OSBP2: variants seen among roughly 807,000 people sequenced by gnomAD.
The protein encoded by OSBP2 is oxysterol binding protein 2, also known as oxysterol-binding protein 2.
In OSBP2, 66 loss-of-function variants were observed where a neutral mutation model predicts 96.0. The observed-to-expected ratio is 0.69, with a 90% confidence interval of 0.56 to 0.84. OSBP2 has a LOEUF of 0.84. Ranked by LOEUF, OSBP2 falls within the 40% of genes least tolerant of loss-of-function variation. The probability of loss-of-function intolerance (pLI) is 0.00; values close to 1 mark genes in which losing one functional copy is unlikely to be tolerated. For synonymous variants in OSBP2, 525 were observed against 520.9 expected (o/e 1.01, Z -0.11); for missense variants, 1,038 against 1,222.7 (o/e 0.85, Z 2.25).
chr22:30,818,868 C>A (rs1396697259), intron 2 of OSBP2, among the ~76,000 whole-genome samples: 2 of 152,198 alleles, frequency 1.3e-5, no homozygotes, highest in African/African-American at 2.4e-5. Context: ...GTGAACAGAG[C>A]AACCAGTTTG....
chr22:30,811,706 C>G (rs136246), intron 2 of OSBP2, among the ~76,000 whole-genome samples: 56,361 of 151,520 alleles, frequency 0.37, 10,726 homozygotes, highest in Non-Finnish European at 0.43. Context: ...AGGCGCCCAC[C>G]ACCACACCCG....
At chr22:30,818,785 G>A (rs1191696134) in intron 2 of OSBP2, among the ~76,000 whole-genome samples, 1 of 152,196 alleles carries the variant, frequency 6.6e-6, no homozygotes, top group Non-Finnish European at 1.5e-5. Context: ...GCTGTTGCAG[G>A]AGCAGCAGCC....
chr22:30,724,700 C>T (rs73400370), intron 1 of OSBP2, among the ~76,000 whole-genome samples: 7,506 of 152,256 alleles, frequency 0.049, 631 homozygotes, highest in African/African-American at 0.17. Flanking sequence ...TTTGTGTGGA[C>T]CTAACACATC....
chr22:30,715,553 A>ATT (rs36019275), intron 1 of OSBP2, among the ~76,000 whole-genome samples: 59 of 143,010 alleles, frequency 4.1e-4, no homozygotes, highest in East Asian at 3.7e-3. Context: ...TAATTTTTAG[A>ATT]TTTTTTTTTT....
At chr22:30,875,382 TTTTC>T (rs1480217176) in intron 3 of OSBP2, among the ~76,000 whole-genome samples, 1 of 151,718 alleles carries the variant, frequency 6.6e-6, no homozygotes, top group African/African-American at 2.4e-5. Context: ...TGTTTTTTTT[TTTTC>T]TTTGAGATGG....
chr22:30,704,539 C>T (rs2089217799), intron 1 of OSBP2, among the ~76,000 whole-genome samples: 1 of 146,628 alleles, frequency 6.8e-6, no homozygotes, highest in Non-Finnish European at 1.5e-5. Flanking sequence ...TTTTTTGAGA[C>T]AGAGTCTTGC....
intron 2 of OSBP2, among the ~76,000 whole-genome samples, chr22:30,844,058 A>G (rs1296142057): frequency 1.3e-5 from 2 of 151,902 alleles, no homozygotes; most frequent in African/African-American, 4.8e-5. Context: ...TATTTTTTGT[A>G]GACACAGAGT....
chr22:30,904,597 T>A (rs553362558), intron 12 of OSBP2, among the ~76,000 whole-genome samples: 239 of 150,858 alleles, frequency 1.6e-3, no homozygotes, highest in African/African-American at 5.2e-3. Flanking sequence ...ATAATTAAAA[T>A]ATATATATAT....
intron 1 of OSBP2, among the ~76,000 whole-genome samples, chr22:30,724,391 T>G (rs2089607026): frequency 6.6e-6 from 1 of 152,104 alleles, no homozygotes; most frequent in Admixed American, 6.6e-5. Flanking sequence ...CTAGTTTATT[T>G]TATATTTTTA....
chr22:30,727,682 G>GT (rs1322284095), intron 1 of OSBP2, among the ~76,000 whole-genome samples: 1 of 152,078 alleles, frequency 6.6e-6, no homozygotes, highest in Non-Finnish European at 1.5e-5. Context: ...TCTCATTCCT[G>GT]TTTTTTTAAA....
intron 1 of OSBP2, among the ~76,000 whole-genome samples, chr22:30,703,978 G>A (rs2145673179): frequency 6.6e-6 from 1 of 152,274 alleles, no homozygotes; most frequent in Non-Finnish European, 1.5e-5. Context: ...TGCTGATCTT[G>A]CCATCCTGTT....
At chr22:30,737,841 T>G (rs1019891472) in intron 1 of OSBP2, among the ~76,000 whole-genome samples, 2 of 151,984 alleles carry the variant, frequency 1.3e-5, no homozygotes, top group Admixed American at 6.6e-5. Flanking sequence ...GCCTCCTGAG[T>G]AGCTGGGACT....
At chr22:30,874,067 T>C (rs1040583572) in intron 3 of OSBP2, among the ~76,000 whole-genome samples, 1 of 152,158 alleles carries the variant, frequency 6.6e-6, no homozygotes, top group African/African-American at 2.4e-5. Flanking sequence ...TGAAACCCTG[T>C]CTCTACTAAA....
intron 2 of OSBP2, among the ~76,000 whole-genome samples, chr22:30,842,415 G>T (rs1337692244): frequency 6.6e-6 from 1 of 152,100 alleles, no homozygotes; most frequent in African/African-American, 2.4e-5. Context: ...TGACTGATCA[G>T]CGTGGTGATT....
intron 1 of OSBP2, among the ~76,000 whole-genome samples, chr22:30,720,095 T>C (rs1167383381): frequency 6.6e-6 from 1 of 152,238 alleles, no homozygotes; most frequent in Admixed American, 6.5e-5. Flanking sequence ...GGGATATTTC[T>C]CTGTCCCACA....
At chr22:30,835,973 C>G (rs766781094) in intron 2 of OSBP2, among the ~76,000 whole-genome samples, 1 of 152,104 alleles carries the variant, frequency 6.6e-6, no homozygotes, top group South Asian at 2.1e-4. Flanking sequence ...CCTGCCTTGG[C>G]CTTCCAAATG....
chr22:30,781,282 G>A (rs542463235), intron 2 of OSBP2, among the ~76,000 whole-genome samples: 4 of 151,844 alleles, frequency 2.6e-5, no homozygotes, highest in Admixed American at 6.6e-5. Context: ...ACACCCGGCC[G>A]ATGTTTTTGT....
At chr22:30,810,740 C>T (rs866470842) in intron 2 of OSBP2, among the ~76,000 whole-genome samples, 8 of 152,320 alleles carry the variant, frequency 5.3e-5, no homozygotes, top group Non-Finnish European at 7.3e-5. Context: ...ACGGGTGCGC[C>T]AAATGATCCA....
At position 30,893,506 on chromosome 22, in the gene OSBP2, G is replaced by A; in HGVS notation, c.2034G>A (p.Val678=). The change falls in exon 10 of 14, where the codon GTG becomes GTA. Residue 678 remains valine, a synonymous_variant. Coordinates refer to ENST00000332585, the MANE Select transcript of OSBP2 (RefSeq NM_030758.4). ...LEFQASGNHY[V]WRKSTSTVHN... is the part of the protein sequence containing the mutation. ...TCCAGGCCAGTGGGAATCACTACGT[G>A]TGGAGGAAGAGCACCTCAACTGTTC... The A allele has an allele frequency of 3.7e-6, 6 of 1,614,212 alleles. No homozygotes were observed. Among genetic ancestry groups the A allele is most frequent in the Non-Finnish European group, 5.1e-6 (6 of 1,180,036 alleles).
Sources: gnomAD v4.1 joint callset for allele counts (sites outside exome capture counted in the v4.1 genomes callset) on GRCh38, gnomAD v4.1.1 for gene constraint, MANE v1.5 for transcripts, NCBI Gene and HGNC (gene_info 2026-07-23, HGNC 2026-07-21) for gene names.